LAMB3: variants seen among roughly 807,000 people sequenced by gnomAD.
LAMB3 encodes laminin subunit beta-3.
LAMB3 carries 104 observed loss-of-function variants against 140.3 expected under a neutral mutation model. The ratio of observed to expected loss-of-function variants is 0.74; its 90% CI spans 0.63 to 0.87. The LOEUF is 0.87. LAMB3 is among the 40% of genes least tolerant of loss of function. LAMB3 has a pLI of 0.00. For missense variants in LAMB3, 1,531 were observed against 1,575.2 expected (o/e 0.97, Z 0.47); for synonymous variants, 592 against 602.9 (o/e 0.98, Z 0.26).
Position 209,622,658 on chromosome 1 carries a change from G to A in LAMB3, c.2579C>T (p.Ala860Val). The change falls in exon 18 of 23, where the codon GCC becomes GTC. Residue 860 changes from alanine (A) to valine (V), a missense_variant. Ala to Val is a moderately conservative substitution (Grantham distance 64, BLOSUM62 0). Coordinates refer to ENST00000356082, the MANE Select transcript of LAMB3 (RefSeq NM_000228.3). ...RQMIRAAEES[A>V]SQIQSSAQRL... ...CTGGGCACTGGATTGAATCTGTGAG[G>A]CAGATTCCTCGGCTGCCCTAATCTG... 6.2e-7 allele frequency: 1 copy of A among 1,614,118 alleles called. No individual in the cohort carries two copies. The highest frequency in any genetic ancestry group is 8.5e-7 in the Non-Finnish European group (1 of 1,180,012).
chr1:209,616,565 G>T lies in LAMB3; in HGVS notation c.3288C>A (p.Ser1096=). 1 of 1,614,140 alleles carries T rather than the reference G, an allele frequency of 6.2e-7. No homozygotes were observed. Among genetic ancestry groups the T allele is most frequent in the Non-Finnish European group, 8.5e-7 (1 of 1,180,004 alleles). Residue 1096 remains serine, a synonymous_variant, in exon 22 of 23, where the codon TCC becomes TCA. Transcript: ENST00000356082. ...AELKDRLGQS[S]MLGEQGARIQ... is the part of the protein sequence containing the mutation. ...TCCGGGCACCCTGCTCACCCAGCAT[G>T]GAACTCTGACCCAACCGGTCCTTCA...
At chr1:209,641,236 C>T (rs913881444) in intron 3 of LAMB3, among the ~76,000 whole-genome samples, 2 of 152,128 alleles carry the variant, frequency 1.3e-5, no homozygotes, top group African/African-American at 4.8e-5. Context: ...TCCCTTCCTG[C>T]ACTCAGGGAG....
At chr1:209,624,034 G>C (rs1666325335) in intron 14 of LAMB3, 34 bp from the exon 15 acceptor site, 3 of 1,600,256 alleles carry the variant, frequency 1.9e-6, no homozygotes, top group Non-Finnish European at 2.6e-6. Flanking sequence ...CTAAAATATA[G>C]GAGGGAGTTT....
At chr1:209,626,306 T>C (rs1666450288) in intron 13 of LAMB3, among the ~76,000 whole-genome samples, 1 of 152,220 alleles carries the variant, frequency 6.6e-6, no homozygotes, top group Admixed American at 6.5e-5. Flanking sequence ...TTCCCACTTT[T>C]TCTAGATGAG....
chr1:209,628,016 G>A lies in LAMB3; in HGVS notation c.1288+19C>T, dbSNP rs780525405. ...ATGCAGCCCACCCCACGTCATGCTG[G>A]GCCAAGCCCCCTACTCACGGTGGCA... On this transcript the variant is annotated intron_variant, in intron 11 of 22. Coordinates refer to ENST00000356082, the MANE Select transcript of LAMB3 (RefSeq NM_000228.3). 3 of 1,588,922 alleles carry A rather than the reference G, an allele frequency of 1.9e-6. No homozygotes were observed. Among genetic ancestry groups the A allele is most frequent in the South Asian group, 1.1e-5 (1 of 87,512 alleles).
intron 3 of LAMB3, among the ~76,000 whole-genome samples, chr1:209,646,503 C>T (rs561431079): frequency 2.0e-5 from 3 of 152,350 alleles, no homozygotes; most frequent in South Asian, 4.1e-4. Context: ...GGAGTCCTCA[C>T]CCCCAGTCTG....
Position 209,629,746 on chromosome 1 carries a change from T to G in LAMB3, c.1123A>C (p.Thr375Pro). 6.2e-7 allele frequency: 1 copy of G among 1,614,048 alleles called. No individual in the cohort carries two copies. Among genetic ancestry groups the G allele is most frequent in the Non-Finnish European group, 8.5e-7 (1 of 1,179,990 alleles). Reference sequence around the variant, plus strand: ...CGGAGCCTCTACTCACAGATGCAGGTCTCCTGAATGGAAGCTCCCGGGCGC... The same window carrying G: ...CGGAGCCTCTACTCACAGATGCAGGGCTCCTGAATGGAAGCTCCCGGGCGC... ...NRRPGASIQE[T>P]CISCECDPDG... Residue 375 changes from threonine (T) to proline (P), a missense_variant, in exon 10 of 23, where the codon ACC becomes CCC. Thr to Pro is a conservative substitution (Grantham distance 38, BLOSUM62 -1). Transcript: ENST00000356082.
intron 18 of LAMB3, 51 bp downstream of exon 18, chr1:209,622,485 G>A (rs752787687): frequency 6.2e-7 from 1 of 1,608,222 alleles, no homozygotes; most frequent in Non-Finnish European, 8.5e-7. Context: ...TGGGAATGCG[G>A]GACAGGCAGG....
chr1:209,634,767 A>G (rs1036026214), intron 5 of LAMB3, 129 bp from the exon 6 acceptor site: 1 of 734,116 alleles, frequency 1.4e-6, no homozygotes, highest in Non-Finnish European at 2.3e-6. Flanking sequence ...GTGGGCTCGG[A>G]GCATCCGGGT....
intron 18 of LAMB3, among the ~76,000 whole-genome samples, chr1:209,621,460 C>A (rs1666190264): frequency 6.6e-6 from 1 of 152,212 alleles, no homozygotes; most frequent in African/African-American, 2.4e-5. Flanking sequence ...GGCAAAAACA[C>A]TGTAATAGTA....
At position 209,637,352 on chromosome 1, in the gene LAMB3, A is replaced by G. The variant is rs183260856; in HGVS notation, c.372+556T>C. ...TCTGTAGAAAGAATAAAACCAAATC[A>G]TCTCTGAAAAGAAAAAATTGACCTA... On this transcript the variant is annotated intron_variant, in intron 5 of 22. Transcript: ENST00000356082. Among the ~76,000 whole-genome samples, 583 of 152,338 alleles carry G rather than the reference A, an allele frequency of 3.8e-3. 5 individuals are homozygous for G. The highest frequency in any genetic ancestry group is 0.013 in the African/African-American group (553 of 41,578).
rs758529827 is a variant in LAMB3 at position 209,627,553 on chromosome 1, G to A, written c.1315C>T (p.Arg439Trp). 1.4e-5 allele frequency: 22 copies of A among 1,613,942 alleles called. No homozygotes were observed. Among genetic ancestry groups the A allele is most frequent in the African/African-American group, 8.0e-5 (6 of 74,932 alleles). ...TCCTCGTCACACGGCATGTCCCTCCGGGACCCCAGGATGTTGCAGTCACAG... is the reference window on the plus strand; with the variant it reads ...TCCTCGTCACACGGCATGTCCCTCCAGGACCCCAGGATGTTGCAGTCACAG... ...HRCDCNILGS[R>W]RDMPCDEESG... The change falls in exon 12 of 23, where the codon CGG (arginine) becomes TGG (tryptophan). Residue 439 changes from arginine to tryptophan, a missense_variant. By Grantham distance (101) the Arg-to-Trp change is moderately radical. Transcript: ENST00000356082.
intron 18 of LAMB3, 54 bp from the exon 19 acceptor site, chr1:209,618,713 C>A (rs1048482094): frequency 9.1e-6 from 14 of 1,546,198 alleles, no homozygotes; most frequent in Middle Eastern, 1.7e-4. Context: ...CCCAGAGATA[C>A]GAGGCCTCTC....
intron 3 of LAMB3, among the ~76,000 whole-genome samples, chr1:209,641,128 CTAGCACA>C (rs377468712): frequency 4.0e-5 from 6 of 151,358 alleles, no homozygotes; most frequent in African/African-American, 1.5e-4. Flanking sequence ...AGAAAAATAC[CTAGCACA>C]TAATACACCC....
intron 22 of LAMB3, 47 bp downstream of exon 22, chr1:209,616,423 AG>A (rs1665964543): frequency 6.2e-7 from 1 of 1,609,144 alleles, no homozygotes. Flanking sequence ...GGGTGGGACC[AG>A]CCTTCATGAA....
rs139931753 is a variant in LAMB3, at chr1:209,639,667, GCACACACA to G, written c.184-1027_184-1020del. Among the ~76,000 whole-genome samples, 517 of 150,752 alleles carry G rather than the reference GCACACACA, an allele frequency of 3.4e-3. 1 individual carries two copies. The highest frequency in any genetic ancestry group is 0.01 in the African/African-American group (429 of 41,110). ...CGCACACGCGTGCACATGCGCACAC[GCACACACA>G]CACACACAGATAACACGACCTTTTC... On this transcript the variant is annotated intron_variant, in intron 3 of 22. Coordinates refer to ENST00000356082, the MANE Select transcript of LAMB3 (RefSeq NM_000228.3).
rs182908860 is a variant in LAMB3 at position 209,634,140 on chromosome 1, C to T, written c.564+307G>A. On this transcript the variant is annotated intron_variant, in intron 6 of 22. Transcript: ENST00000356082. The stretch of plus-strand genomic sequence containing the variant: ...CAAAGTCCTCATATCAAAGTAGGGT[C>T]GATTTCATCTTCCCACTAGAGGGAT... 2.4e-4 allele frequency among the ~76,000 whole-genome samples: 36 copies of T among 152,276 alleles called. No homozygotes were observed. The East Asian group carries it at 5.8e-3, about 24-fold the overall frequency.
chr1:209,637,783 G>A, intron 5 of LAMB3, 125 bp downstream of exon 5: 1 of 800,976 alleles, frequency 1.2e-6, no homozygotes, highest in Non-Finnish European at 2.1e-6. Flanking sequence ...CTGTCACCAT[G>A]ATATAGGCTC....
chr1:209,650,873 C>G, intron 2 of LAMB3, 44 bp downstream of exon 2: 3 of 1,598,356 alleles, frequency 1.9e-6, no homozygotes, highest in Non-Finnish European at 2.6e-6. Flanking sequence ...CTGTTGCCTC[C>G]CTGCCATATA....
Sources: allele counts gnomAD v4.1 joint callset (sites outside exome capture counted in the v4.1 genomes callset), GRCh38; gene constraint gnomAD v4.1.1; transcripts MANE v1.5; gene names NCBI Gene and HGNC (gene_info 2026-07-23, HGNC 2026-07-21).